The following SEMA6A variants were observed in gnomAD, a reference collection of about 807,000 sequenced individuals.
SEMA6A encodes semaphorin 6A.
In SEMA6A, 25 loss-of-function variants were observed where a neutral mutation model predicts 96.8. The observed-to-expected ratio is 0.26, with a 90% CI of 0.19 to 0.36. The LOEUF is 0.36. Ranked by LOEUF, SEMA6A falls within the 10% of genes least tolerant of loss-of-function variation. The pLI is 1.00. For missense variants in SEMA6A, 1,363 were observed against 1,323.1 expected (o/e 1.03, Z -0.47); for synonymous variants, 612 against 518.0 (o/e 1.18, Z -2.46).
At chr5:116,476,252 A>T (rs1242253921) in intron 15 of SEMA6A, among the ~76,000 whole-genome samples, 1 of 152,218 alleles carries the variant, frequency 6.6e-6, no homozygotes, top group African/African-American at 2.4e-5. Flanking sequence ...GCAACATGAC[A>T]TTAACAAAAC....
chr5:116,483,486 G>A (rs59491673), intron 10 of SEMA6A, among the ~76,000 whole-genome samples: 47,842 of 151,998 alleles, frequency 0.31, 7,860 homozygotes, highest in East Asian at 0.5. Context: ...CTGCAGTGTG[G>A]GAACATCATC....
chr5:116,458,570 C>T (rs542400094), intron 18 of SEMA6A, among the ~76,000 whole-genome samples: 1 of 152,076 alleles, frequency 6.6e-6, no homozygotes, highest in East Asian at 1.9e-4. Context: ...AAGTTCAAGT[C>T]TCCATAATCA....
rs2112561410 is a variant in SEMA6A, at chr5:116,444,799, T to C, written c.*1814A>G. The C allele has an allele frequency of 6.6e-6, 1 of 152,324 alleles. No individual in the cohort carries two copies. The highest frequency in any genetic ancestry group is 1.9e-4 in the East Asian group (1 of 5,200). The allele number at this position is 152,324 out of a possible 1,614,324, so 9.4% of individuals were successfully genotyped here. On this transcript the variant is annotated 3_prime_UTR_variant, in exon 19 of 19. Transcript: ENST00000343348. Reference sequence around the variant, plus strand: ...CTGCATCTATTTCCATGTCATTTCTTTGTGTGCACTGCACGTGTGTGCTGT... The same window carrying C: ...CTGCATCTATTTCCATGTCATTTCTCTGTGTGCACTGCACGTGTGTGCTGT...
chr5:116,489,090 C>T (rs754461242), intron 7 of SEMA6A, 83 bp from the exon 8 acceptor site: 22 of 1,400,078 alleles, frequency 1.6e-5, no homozygotes, highest in Non-Finnish European at 2.1e-5. Context: ...CCCTAGATTG[C>T]TTTCCAACAT....
intron 1 of SEMA6A, among the ~76,000 whole-genome samples, chr5:116,571,406 AG>A (rs1761205915): frequency 6.6e-6 from 1 of 152,242 alleles, no homozygotes; most frequent in Admixed American, 6.5e-5. Flanking sequence ...CATATGGGGA[AG>A]GTTGTCACCC....
At chr5:116,533,175 T>C (rs1262611333) in intron 1 of SEMA6A, among the ~76,000 whole-genome samples, 3 of 152,196 alleles carry the variant, frequency 2.0e-5, no homozygotes, top group Non-Finnish European at 4.4e-5. Context: ...AAATGCTCTG[T>C]ACAACTAAAT....
intron 18 of SEMA6A, among the ~76,000 whole-genome samples, chr5:116,461,240 C>T (rs1020333787): frequency 3.9e-5 from 6 of 152,086 alleles, no homozygotes; most frequent in Non-Finnish European, 8.8e-5. Flanking sequence ...ACTATCTCTT[C>T]GCGTTCCTTG....
Position 116,478,862 on chromosome 5 carries a change from T to A in SEMA6A, c.1251-144A>T. ...CATATAAATAATGTTCTCAAGTGGT[T>A]CTGGCCCTTTATTTCCATTTGCAGA... is the stretch of plus-strand genomic sequence containing the variant. On this transcript the variant is annotated intron_variant, in intron 12 of 18. Transcript: ENST00000343348. 9.7e-6 allele frequency: 8 copies of A among 822,938 alleles called. No homozygotes were observed. In the South Asian group the frequency reaches 1.6e-4, roughly 16 times the overall value. The allele number at this position is 822,938 out of a possible 1,614,324, so 51.0% of individuals were successfully genotyped here.
chr5:116,484,402 C>T (rs1426426871), intron 10 of SEMA6A, among the ~76,000 whole-genome samples: 2 of 152,028 alleles, frequency 1.3e-5, no homozygotes, highest in Non-Finnish European at 2.9e-5. Flanking sequence ...TCCCATCTTC[C>T]GTTCATTCAA....
chr5:116,570,098 G>A (rs114591388), intron 1 of SEMA6A, among the ~76,000 whole-genome samples: 5,104 of 152,282 alleles, frequency 0.034, 101 homozygotes, highest in Non-Finnish European at 0.043. Flanking sequence ...GTCCCATGGT[G>A]AGAAGTTGTC....
chr5:116,446,771 G>T lies in SEMA6A; in HGVS notation c.2935C>A (p.Gln979Lys). 1 of 1,611,362 alleles carries T rather than the reference G, an allele frequency of 6.2e-7. No individual in the cohort carries two copies. The highest frequency in any genetic ancestry group is 1.7e-5 in the Admixed American group (1 of 59,520). Residue 979 changes from glutamine to lysine, a missense_variant, in exon 19 of 19, where the codon CAG becomes AAG. Gln to Lys is a moderately conservative substitution (Grantham distance 53). Around this residue, in one of 2 missense-constraint regions of SEMA6A, gnomAD observed 883 missense variants for 763.6 expected, o/e 1.16. Transcript: ENST00000343348. The part of the protein sequence containing the change: ...IQVHSSQPSG[Q>K]AVTVSRQPSL... ...GGCTGCCTCGAGACAGTCACGGCCT[G>T]GCCAGATGGCTGGGAGCTGTGCACC...
rs1201351328 is a variant in SEMA6A, at chr5:116,516,403, A to G, written c.-38-11421T>C. ...GGGAAATTCATTTCGTTTATCCGAA[A>G]AAAGCCTGCTTTATGTCTCAGTGAG... On this transcript the variant is annotated intron_variant, in intron 1 of 18. Transcript: ENST00000343348. Among the ~76,000 whole-genome samples the G allele has an allele frequency of 2.0e-5, 3 of 152,222 alleles. No individual in the cohort carries two copies. In the East Asian group the frequency reaches 5.8e-4, roughly 29 times the overall value.
chr5:116,471,897 CTTTG>C (rs1380838107), intron 17 of SEMA6A, among the ~76,000 whole-genome samples: 1 of 152,262 alleles, frequency 6.6e-6, no homozygotes, highest in African/African-American at 2.4e-5. Context: ...TTTCCTTCCC[CTTTG>C]TTTCTTTTCT....
chr5:116,545,852 G>A (rs776015808), intron 1 of SEMA6A, among the ~76,000 whole-genome samples: 15 of 152,076 alleles, frequency 9.9e-5, no homozygotes, highest in Middle Eastern at 3.2e-3. Context: ...GAGGTGCTCC[G>A]AAGACAGGCA....
intron 1 of SEMA6A, among the ~76,000 whole-genome samples, chr5:116,510,101 G>C (rs934512527): frequency 2.0e-5 from 3 of 152,086 alleles, no homozygotes; most frequent in African/African-American, 7.2e-5. Context: ...ATCATGAAAA[G>C]TGGTGAAAAG....
Position 116,478,168 on chromosome 5 carries a change from G to T in SEMA6A, c.1428-14C>A, listed in dbSNP as rs771869707. 14 of 1,613,230 alleles carry T rather than the reference G, an allele frequency of 8.7e-6. 1 individual carries two copies. In the South Asian group the frequency reaches 1.5e-4, roughly 18 times the overall value. On this transcript the variant is annotated splice_polypyrimidine_tract_variant and intron_variant, in intron 13 of 18. Transcript: ENST00000343348. The stretch of plus-strand genomic sequence containing the variant: ...TCATAGCTGCATCTAATTTCATCAG[G>T]CAAGATAATATCATTAATAGACTCT...
rs576343678 is a variant in SEMA6A at position 116,500,406 on chromosome 5, G to T, written c.218+1804C>A. The stretch of plus-strand genomic sequence containing the variant: ...ATGGGAATAATAATAGCTCCTTCTT[G>T]TAGGGTTGTTTCCAGGATTGGATGA... On this transcript the variant is annotated intron_variant, in intron 3 of 18. Transcript: ENST00000343348. Among the ~76,000 whole-genome samples, 6 of 152,270 alleles carry T rather than the reference G, an allele frequency of 3.9e-5. No homozygotes were observed. In the South Asian group the frequency reaches 1.2e-3, roughly 32 times the overall value.
intron 3 of SEMA6A, chr5:116,498,923 C>T (rs562542468): frequency 1.3e-5 from 2 of 152,272 alleles, no homozygotes; most frequent in South Asian, 4.2e-4. Context: ...TCAGAAAGCT[C>T]TCAGATTGCC....
At chr5:116,500,531 G>A in intron 3 of SEMA6A, among the ~76,000 whole-genome samples, 1 of 152,148 alleles carries the variant, frequency 6.6e-6, no homozygotes, top group East Asian at 1.9e-4. Context: ...TAAAACTTTA[G>A]GAAAGTATTT....
Sources: allele counts gnomAD v4.1 joint callset (sites outside exome capture counted in the v4.1 genomes callset), GRCh38; gene constraint gnomAD v4.1.1; regional missense constraint gnomAD v4.1.1; transcripts MANE v1.5; gene names NCBI Gene and HGNC (gene_info 2026-07-23, HGNC 2026-07-21).